Variants in NPIPB7 observed in about 807,000 individuals in gnomAD.
NPIPB7 encodes the protein nuclear pore complex-interacting protein family member B7.
For synonymous variants in NPIPB7, 9 were observed against 88.1 expected (o/e 0.10, Z 5.03); for missense variants, 14 against 238.5 (o/e 0.06, Z 6.20).
intron 2 of NPIPB7, among the ~76,000 whole-genome samples, chr16:28,464,425 A>G (rs1415309497): frequency 2.6e-5 from 4 of 152,206 alleles, no homozygotes. Flanking sequence ...TTCTCATCAT[A>G]GCGAAAATGC....
chr16:28,469,729 C>G, intron 1 of NPIPB7: 2 of 400,384 alleles, frequency 5.0e-6, no homozygotes, highest in Non-Finnish European at 9.6e-6. Flanking sequence ...TGGCTCACGC[C>G]TGTAATCCCG....
At chr16:28,461,488 A>C (rs1220360743) in intron 4 of NPIPB7, among the ~76,000 whole-genome samples, 4 of 142,640 alleles carry the variant, frequency 2.8e-5, no homozygotes, top group Non-Finnish European at 6.0e-5. Flanking sequence ...AATATGACCA[A>C]AACATGAAAG....
At chr16:28,470,714 G>T (rs549487868), upstream of NPIPB7, among the ~76,000 whole-genome samples, 5 of 150,844 alleles carry the variant, frequency 3.3e-5, no homozygotes, top group Non-Finnish European at 5.9e-5. Context: ...GGAGGAGGTG[G>T]AGGAGGAGAA....
chr16:28,464,414 G>T (rs1187043076), intron 2 of NPIPB7, among the ~76,000 whole-genome samples: 4 of 152,154 alleles, frequency 2.6e-5, no homozygotes, highest in Non-Finnish European at 5.9e-5. Context: ...TTAAATATTT[G>T]TTCTCATCAT....
chr16:28,468,708 G>A (rs2045920557), intron 1 of NPIPB7, among the ~76,000 whole-genome samples: 1 of 136,788 alleles, frequency 7.3e-6, no homozygotes, highest in African/African-American at 2.5e-5. Flanking sequence ...TTGGGAGGCT[G>A]AGGCAGAAGA....
exon 7 of NPIPB7, chr16:28,456,569 C>G: frequency 4.2e-6 from 2 of 480,518 alleles, no homozygotes; most frequent in South Asian, 4.0e-5. Flanking sequence ...CTCATCCACC[C>G]TCCACCTCTT....
upstream of NPIPB7, among the ~76,000 whole-genome samples, chr16:28,472,201 T>C (rs2045956058): frequency 6.6e-6 from 1 of 152,104 alleles, no homozygotes; most frequent in Admixed American, 6.6e-5. Flanking sequence ...TCATTTGAGC[T>C]GAGGAGTTTG....
At chr16:28,463,389 T>TCA (rs57853696) in intron 2 of NPIPB7, among the ~76,000 whole-genome samples, 7,085 of 45,642 alleles carry the variant, frequency 0.16, 397 homozygotes, top group South Asian at 0.27. Flanking sequence ...AGACTCTGTC[T>TCA]CACACACACA....
chr16:28,465,497 GA>G (rs1168333643), intron 2 of NPIPB7, among the ~76,000 whole-genome samples: 1 of 74,326 alleles, frequency 1.3e-5, no homozygotes, highest in Admixed American at 1.5e-4. Context: ...GGTGAGAAAA[GA>G]AAAAAAAAAA....
At chr16:28,461,282 T>G (rs1448270752) in intron 4 of NPIPB7, among the ~76,000 whole-genome samples, 2 of 129,864 alleles carry the variant, frequency 1.5e-5, no homozygotes, top group Non-Finnish European at 3.4e-5. Flanking sequence ...CTGGCCTTTG[T>G]AGGGACTGAG....
chr16:28,463,389 T>TCACACACACACACACACA, intron 2 of NPIPB7, among the ~76,000 whole-genome samples: 1 of 45,794 alleles, frequency 2.2e-5, no homozygotes, highest in Non-Finnish European at 4.3e-5. Context: ...AGACTCTGTC[T>TCACACACACACACACACA]CACACACACA....
intron 1 of NPIPB7, among the ~76,000 whole-genome samples, chr16:28,468,806 CAAAAAAAAA>C (rs1032086551): frequency 2.5e-4 from 6 of 24,384 alleles, no homozygotes; most frequent in Middle Eastern, 0.02. Context: ...GACTCTGTCT[CAAAAAAAAA>C]AAAAAAAAAA....
intron 2 of NPIPB7, among the ~76,000 whole-genome samples, chr16:28,463,620 G>A (rs1294910851): frequency 1.4e-5 from 2 of 144,912 alleles, no homozygotes; most frequent in Non-Finnish European, 3.0e-5. Flanking sequence ...CAGCTAGTCG[G>A]GAGGCTGAGG....
At chr16:28,458,329 AT>A in intron 6 of NPIPB7, 56 bp downstream of exon 6, 1 of 421,132 alleles carries the variant, frequency 2.4e-6, no homozygotes. Context: ...AGAAAAATGT[AT>A]CCATGTCCTG....
chr16:28,461,230 C>G (rs1226068049), intron 4 of NPIPB7, among the ~76,000 whole-genome samples: 1 of 148,778 alleles, frequency 6.7e-6, no homozygotes, highest in African/African-American at 2.5e-5. Context: ...GGTTGAGACC[C>G]AGAAGAGTCA....
At chr16:28,472,101 C>T (rs1194094093), upstream of NPIPB7, among the ~76,000 whole-genome samples, 3 of 152,188 alleles carry the variant, frequency 2.0e-5, no homozygotes, top group Non-Finnish European at 4.4e-5. Context: ...GTAATTAAGA[C>T]AGTGTTGTAT....
chr16:28,470,525 G>C (rs368382803), exon 1 of NPIPB7: 3 of 728,718 alleles, frequency 4.1e-6, no homozygotes, highest in East Asian at 6.9e-5. Flanking sequence ...GACGGGGACC[G>C]GGGCCGGATC....
At chr16:28,468,730 C>A in intron 1 of NPIPB7, among the ~76,000 whole-genome samples, 1 of 127,956 alleles carries the variant, frequency 7.8e-6, no homozygotes, top group African/African-American at 2.6e-5. Context: ...TCACTTGAAC[C>A]CAGGAGGCAG....
At chr16:28,465,191 TA>T (rs2045899038) in intron 2 of NPIPB7, among the ~76,000 whole-genome samples, 1 of 92,590 alleles carries the variant, frequency 1.1e-5, no homozygotes, top group African/African-American at 4.1e-5. Context: ...GTGGTAAATT[TA>T]AAAACTTCCC....
Sources: gnomAD v4.1 joint callset for allele counts (sites outside exome capture counted in the v4.1 genomes callset) on GRCh38, gnomAD v4.1.1 for gene constraint, MANE v1.5 for transcripts, NCBI Gene and HGNC (gene_info 2026-07-23, HGNC 2026-07-21) for gene names.